Variants in METTL25 observed in about 807,000 individuals in gnomAD.
METTL25 encodes the protein probable methyltransferase-like protein 25.
In METTL25, 64 loss-of-function variants were observed where a neutral mutation model predicts 71.6. The observed-to-expected ratio is 0.89, with a 90% CI of 0.73 to 1.10. The LOEUF (loss-of-function observed/expected upper bound fraction) is 1.10, where lower values mean the gene tolerates loss of function less well. Ranked by LOEUF, METTL25 falls within the 50% of genes least tolerant of loss-of-function variation. The pLI is 0.00. For synonymous variants in METTL25, 287 were observed against 250.3 expected, an observed-to-expected ratio of 1.15 and a Z score of -1.38; for missense variants, 807 against 707.0, an observed-to-expected ratio of 1.14 and a Z score of -1.60.
intron 1 of METTL25, among the ~76,000 whole-genome samples, chr12:82,361,941 G>T (rs990257278): frequency 6.6e-6 from 1 of 152,238 alleles, no homozygotes; most frequent in Non-Finnish European, 1.5e-5. Context: ...CGCCAAGAGC[G>T]AGTGAGGGCT....
chr12:82,436,188 A>G (rs1230807002), intron 7 of METTL25, among the ~76,000 whole-genome samples: 1 of 151,472 alleles, frequency 6.6e-6, no homozygotes, highest in East Asian at 1.9e-4. Context: ...CTAAACCTGC[A>G]TGAGAATGAT....
At chr12:82,371,387 T>G (rs1171820940) in intron 1 of METTL25, among the ~76,000 whole-genome samples, 1 of 152,178 alleles carries the variant, frequency 6.6e-6, no homozygotes, top group Admixed American at 6.5e-5. Flanking sequence ...TGCCTTGGCA[T>G]AGTGGACATG....
At chr12:82,361,435 G>A (rs957510014) in intron 1 of METTL25, among the ~76,000 whole-genome samples, 6 of 152,224 alleles carry the variant, frequency 3.9e-5, no homozygotes, top group Admixed American at 6.5e-5. Context: ...GCCCTTGGGC[G>A]GTCGATGGGA....
chr12:82,465,402 A>G (rs1262176018), intron 9 of METTL25, among the ~76,000 whole-genome samples: 1 of 151,964 alleles, frequency 6.6e-6, no homozygotes, highest in Non-Finnish European at 1.5e-5. Flanking sequence ...GTGATGTCTC[A>G]TTTATTGCTT....
chr12:82,398,761 A>G, intron 3 of METTL25, 34 bp from the exon 4 acceptor site: 1 of 1,384,772 alleles, frequency 7.2e-7, no homozygotes, highest in Non-Finnish European at 9.4e-7. Flanking sequence ...ATTTGCCTAA[A>G]ATTCTTTAAT....
chr12:82,425,537 A>G (rs1888943482), intron 5 of METTL25, among the ~76,000 whole-genome samples: 2 of 152,086 alleles, frequency 1.3e-5, no homozygotes, highest in Non-Finnish European at 2.9e-5. Flanking sequence ...GTTTCCGGAA[A>G]TCTACAGTAT....
At chr12:82,477,726 G>T (rs934122582) in intron 11 of METTL25, among the ~76,000 whole-genome samples, 8 of 151,692 alleles carry the variant, frequency 5.3e-5, no homozygotes, top group Non-Finnish European at 3.0e-5. Context: ...CTTTTGGAGT[G>T]TTGGCCATAT....
chr12:82,380,390 C>G (rs1884322239), intron 1 of METTL25, among the ~76,000 whole-genome samples: 1 of 151,622 alleles, frequency 6.6e-6, no homozygotes, highest in Non-Finnish European at 1.5e-5. Flanking sequence ...TGTAACAAAC[C>G]TGCACATGCA....
intron 11 of METTL25, among the ~76,000 whole-genome samples, chr12:82,477,907 A>G (rs1321667301): frequency 6.6e-6 from 1 of 151,806 alleles, no homozygotes; most frequent in Non-Finnish European, 1.5e-5. Flanking sequence ...AGTTTGGTGA[A>G]CTGTTTAAAT....
intron 9 of METTL25, among the ~76,000 whole-genome samples, chr12:82,470,142 A>G (rs1892485157): frequency 1.3e-5 from 2 of 152,236 alleles, no homozygotes. Context: ...AATAGGATTT[A>G]AAAATCAAAT....
At chr12:82,471,821 A>G (rs1292056200) in intron 9 of METTL25, among the ~76,000 whole-genome samples, 1 of 152,174 alleles carries the variant, frequency 6.6e-6, no homozygotes, top group Non-Finnish European at 1.5e-5. Context: ...TCAGTAAATC[A>G]TTTCAATGGT....
rs182980400 is a variant in METTL25 at position 82,404,509 on chromosome 12, T to G, written c.1279+1379T>G. Among the ~76,000 whole-genome samples, 437 of 152,296 alleles carry G rather than the reference T, an allele frequency of 2.9e-3. 5 individuals are homozygous for G. Among genetic ancestry groups the G allele is most frequent in the Admixed American group, 0.024 (365 of 15,296 alleles). On this transcript the variant is annotated intron_variant, in intron 5 of 11. Coordinates refer to ENST00000248306, the MANE Select transcript of METTL25 (RefSeq NM_032230.3). ...TTTTTAAATGTTCTGTGTATAACAT[T>G]TTCCTTAATTGGCAGTAGGGTAAGA...
chr12:82,431,307 A>T (rs1260115983), intron 6 of METTL25, among the ~76,000 whole-genome samples: 1 of 151,508 alleles, frequency 6.6e-6, no homozygotes, highest in Non-Finnish European at 1.5e-5. Flanking sequence ...GAATGGGAAA[A>T]ATATTAAGCT....
At chr12:82,403,971 C>T (rs1455700769) in intron 5 of METTL25, among the ~76,000 whole-genome samples, 1 of 152,006 alleles carries the variant, frequency 6.6e-6, no homozygotes, top group African/African-American at 2.4e-5. Flanking sequence ...ATTGGTTGAT[C>T]TTTTCTTAGT....
At chr12:82,412,846 A>G (rs551323696) in intron 5 of METTL25, among the ~76,000 whole-genome samples, 2 of 152,162 alleles carry the variant, frequency 1.3e-5, no homozygotes, top group South Asian at 2.1e-4. Context: ...GATTTTCCAG[A>G]TTCATAAATT....
chr12:82,435,458 AT>A (rs1424402949), intron 7 of METTL25, among the ~76,000 whole-genome samples: 5 of 151,508 alleles, frequency 3.3e-5, no homozygotes, highest in African/African-American at 1.2e-4. Context: ...GTATGTAATT[AT>A]CTTTTTAATA....
At chr12:82,416,406 G>T (rs1887986552) in intron 5 of METTL25, among the ~76,000 whole-genome samples, 1 of 148,886 alleles carries the variant, frequency 6.7e-6, no homozygotes. Flanking sequence ...TGAAGAGTAG[G>T]TCTGATTTAC....
At chr12:82,372,857 G>A (rs1013172126) in intron 1 of METTL25, among the ~76,000 whole-genome samples, 7 of 152,124 alleles carry the variant, frequency 4.6e-5, no homozygotes, top group African/African-American at 1.4e-4. Context: ...TGCACTCGCC[G>A]ACGTAGCAGC....
intron 5 of METTL25, among the ~76,000 whole-genome samples, chr12:82,428,344 A>G (rs1419420087): frequency 3.3e-5 from 5 of 151,786 alleles, no homozygotes; most frequent in Admixed American, 3.3e-4. Context: ...TAGCTGTTTT[A>G]TTGGTTAGTA....
Sources: allele counts gnomAD v4.1 joint callset (sites outside exome capture counted in the v4.1 genomes callset), GRCh38; gene constraint gnomAD v4.1.1; transcripts MANE v1.5; gene names NCBI Gene and HGNC (gene_info 2026-07-23, HGNC 2026-07-21).